Variants in ARCN1 observed in about 807,000 individuals in gnomAD.
ARCN1 encodes coatomer subunit delta.
A neutral mutation model predicts 60.4 loss-of-function variants in ARCN1; 5 were observed. The ratio of observed to expected loss-of-function variants is 0.08; its 90% CI spans 0.04 to 0.17. The LOEUF (loss-of-function observed/expected upper bound fraction) is 0.17, where lower values mean the gene tolerates loss of function less well. Among genes scored for constraint, ARCN1 ranks in the 10% least tolerant of loss-of-function variants. ARCN1 has a pLI of 1.00. For missense variants in ARCN1, 464 were observed against 626.5 expected, an observed-to-expected ratio of 0.74 and a Z score of 2.77; for synonymous variants, 224 against 220.0, an observed-to-expected ratio of 1.02 and a Z score of -0.16.
chr11:118,595,447 T>C (rs1939004642), intron 8 of ARCN1, among the ~76,000 whole-genome samples: 1 of 152,224 alleles, frequency 6.6e-6, no homozygotes, highest in Non-Finnish European at 1.5e-5. Context: ...ATTTTAATTG[T>C]ATAATCTTGA....
chr11:118,591,032 C>T (rs1184280363), intron 6 of ARCN1, among the ~76,000 whole-genome samples: 1 of 152,262 alleles, frequency 6.6e-6, no homozygotes, highest in South Asian at 2.1e-4. Flanking sequence ...CGTGGTGGCA[C>T]AATGCGAAAT....
At chr11:118,575,411 GGTGTGTGTGTGT>G (rs56934953) in intron 1 of ARCN1, among the ~76,000 whole-genome samples, 2 of 149,084 alleles carry the variant, frequency 1.3e-5, no homozygotes, top group South Asian at 2.1e-4. Flanking sequence ...ACTGATAACG[GGTGTGTGTGTGT>G]GTGTGTGTGT....
At chr11:118,591,823 C>T (rs782533025) in intron 6 of ARCN1, among the ~76,000 whole-genome samples, 2 of 151,816 alleles carry the variant, frequency 1.3e-5, no homozygotes, top group African/African-American at 4.8e-5. Flanking sequence ...CAGCCTTAAC[C>T]TCCTAGGCTC....
chr11:118,572,754 G>T, intron 1 of ARCN1: 1 of 529,274 alleles, frequency 1.9e-6, no homozygotes, highest in South Asian at 3.2e-5. Flanking sequence ...ATCTGTCGTC[G>T]TGCCCGCTTC....
chr11:118,587,107 TCATC>T (rs1342392668), intron 5 of ARCN1, among the ~76,000 whole-genome samples: 1 of 152,200 alleles, frequency 6.6e-6, no homozygotes, highest in African/African-American at 2.4e-5. Context: ...CCTCTGTAGT[TCATC>T]CAGCCAAACG....
Position 118,581,493 on chromosome 11 carries a change from G to A in ARCN1, c.251G>A (p.Arg84Lys). The A allele has an allele frequency of 6.2e-7, 1 of 1,613,468 alleles. No individual in the cohort carries two copies. The change falls in exon 2 of 10, where the codon AGG becomes AAG. Residue 84 changes from arginine (R) to lysine (K), a missense_variant. Arg to Lys is a conservative substitution (Grantham distance 26, BLOSUM62 2). Coordinates refer to ENST00000264028, the MANE Select transcript of ARCN1 (RefSeq NM_001655.5). ...ATTTTAGAAGATTTGGAGACCCTAAGGCTCTTCTCAAGAGTGGTAAGAGTA... is the reference window on the plus strand; with the variant it reads ...ATTTTAGAAGATTTGGAGACCCTAAAGCTCTTCTCAAGAGTGGTAAGAGTA... ...SNILEDLETL[R>K]LFSRVIPEYC...
rs782689458 is a variant in ARCN1, at chr11:118,583,343, C to T, written c.432C>T (p.Phe144=). ...TGGATTCTCATGAGGAGAAGGTGTT[C>T]AGAGCCGTCAGAGAGGTAAATAGGA... ...TEMDSHEEKV[F]RAVRETQERE... Residue 144 remains phenylalanine (F), a synonymous_variant, in exon 3 of 10, where the codon TTC becomes TTT. Transcript: ENST00000264028. 6.8e-6 allele frequency: 11 copies of T among 1,611,156 alleles called. No individual in the cohort carries two copies. In the South Asian group the frequency reaches 9.9e-5, roughly 15 times the overall value.
Position 118,601,521 on chromosome 11 carries a change from G to C in ARCN1, c.*807G>C. 2 of 652,090 alleles carry C rather than the reference G, an allele frequency of 3.1e-6. No homozygotes were observed. Among genetic ancestry groups the C allele is most frequent in the Non-Finnish European group, 5.5e-6 (2 of 360,956 alleles). The allele number at this position is 652,090 out of a possible 1,614,324, so 40.4% of individuals were successfully genotyped here. ...ATTCAGTCAGGCACTGGGATCATCT[G>C]TTTACAGGCATTATATTTATTTGGC... On this transcript the variant is annotated 3_prime_UTR_variant, in exon 10 of 10. Transcript: ENST00000264028.
intron 2 of ARCN1, among the ~76,000 whole-genome samples, chr11:118,581,937 G>GACAGACACACACAC (rs1555074708): frequency 8.8e-4 from 124 of 140,804 alleles, no homozygotes; most frequent in African/African-American, 2.8e-3. Context: ...CAGACAGACA[G>GACAGACACACACAC]ACACACACAC....
At chr11:118,594,392 A>T (rs1367817347) in intron 8 of ARCN1, among the ~76,000 whole-genome samples, 1 of 151,748 alleles carries the variant, frequency 6.6e-6, no homozygotes, top group African/African-American at 2.4e-5. Flanking sequence ...GAGCCACCAC[A>T]CCCAGCCAAG....
chr11:118,585,034 G>T (rs2135544255), intron 5 of ARCN1, among the ~76,000 whole-genome samples: 1 of 151,972 alleles, frequency 6.6e-6, no homozygotes, highest in African/African-American at 2.4e-5. Flanking sequence ...CGCCGTGTTA[G>T]CCAGAATGGT....
At chr11:118,583,643 A>C (rs1555074993) in intron 3 of ARCN1, among the ~76,000 whole-genome samples, 166 bp from the exon 4 acceptor site, 1 of 152,096 alleles carries the variant, frequency 6.6e-6, no homozygotes, top group Non-Finnish European at 1.5e-5. Context: ...TGTGGGTCCC[A>C]GCTACTTGGG....
chr11:118,592,666 G>T, intron 6 of ARCN1, 43 bp from the exon 7 acceptor site: 1 of 1,557,584 alleles, frequency 6.4e-7, no homozygotes, highest in Non-Finnish European at 8.8e-7. Context: ...GTTGTTTCTC[G>T]TCTATCTGAA....
intron 5 of ARCN1, among the ~76,000 whole-genome samples, chr11:118,586,885 C>A (rs1044945238): frequency 6.7e-6 from 1 of 149,896 alleles, no homozygotes; most frequent in African/African-American, 2.5e-5. Flanking sequence ...TGTTGGAGAT[C>A]ATCACATATT....
intron 5 of ARCN1, among the ~76,000 whole-genome samples, chr11:118,584,852 G>C (rs1938741919): frequency 6.6e-6 from 1 of 151,906 alleles, no homozygotes; most frequent in African/African-American, 2.4e-5. Flanking sequence ...TTGAGATGGA[G>C]TCTCACTCTG....
At chr11:118,583,725 C>T in intron 3 of ARCN1, 84 bp from the exon 4 acceptor site, 3 of 1,433,300 alleles carry the variant, frequency 2.1e-6, no homozygotes, top group Non-Finnish European at 2.9e-6. Flanking sequence ...GCCACTTGCA[C>T]TCCAGCCTGG....
intron 6 of ARCN1, among the ~76,000 whole-genome samples, chr11:118,591,924 A>T (rs541411449): frequency 0.012 from 1,755 of 150,486 alleles, 33 homozygotes; most frequent in African/African-American, 0.038. Flanking sequence ...TTATTTATTT[A>T]TTTTTTATTT....
chr11:118,593,669 G>A lies in ARCN1; in HGVS notation c.1212G>A (p.Leu404=). The A allele has an allele frequency of 6.2e-7, 1 of 1,612,808 alleles. No individual in the cohort carries two copies. The highest frequency in any genetic ancestry group is 8.5e-7 in the Non-Finnish European group (1 of 1,178,880). The change falls in exon 8 of 10, where the codon CTG becomes CTA. Residue 404 remains leucine, a synonymous_variant. Coordinates refer to ENST00000264028, the MANE Select transcript of ARCN1 (RefSeq NM_001655.5). Reference sequence around the variant, plus strand: ...AGCTACAAGAAGATAATTTAGAACTGAATGATGTGGTTATCACCATCCCAC... The same window carrying A: ...AGCTACAAGAAGATAATTTAGAACTAAATGATGTGGTTATCACCATCCCAC... The part of the protein sequence containing the change: ...EYELQEDNLE[L]NDVVITIPLP...
intron 8 of ARCN1, among the ~76,000 whole-genome samples, chr11:118,595,503 A>T (rs1939006114): frequency 2.6e-5 from 4 of 152,228 alleles, no homozygotes; most frequent in Non-Finnish European, 5.9e-5. Context: ...GATAACAAAA[A>T]TGTCATGTCA....
Sources: allele counts gnomAD v4.1 joint callset (sites outside exome capture counted in the v4.1 genomes callset), GRCh38; gene constraint gnomAD v4.1.1; transcripts MANE v1.5; gene names NCBI Gene and HGNC (gene_info 2026-07-23, HGNC 2026-07-21).